NAALADL2: variants seen among roughly 807,000 people sequenced by gnomAD.
The protein encoded by NAALADL2 is N-acetylated alpha-linked acidic dipeptidase like 2.
In NAALADL2, 76 loss-of-function variants were observed where a neutral mutation model predicts 87.2. That is an observed-to-expected ratio of 0.87 (90% confidence interval 0.72 to 1.05). The LOEUF is 1.05. Among genes scored for constraint, NAALADL2 ranks in the 50% least tolerant of loss-of-function variants. NAALADL2 has a pLI of 0.00. For synonymous variants in NAALADL2, 354 were observed against 331.0 expected, an observed-to-expected ratio of 1.07 and a Z score of -0.75; for missense variants, 1,089 against 945.8, an observed-to-expected ratio of 1.15 and a Z score of -1.99.
chr3:174,852,305 A>G (rs912262762), intron 3 of NAALADL2, among the ~76,000 whole-genome samples: 6 of 152,154 alleles, frequency 3.9e-5, no homozygotes, highest in Admixed American at 6.5e-5. Context: ...TTATAGCCTT[A>G]TATTTAGAAA....
At chr3:175,194,984 C>T (rs903866788) in intron 2 of NAALADL2, among the ~76,000 whole-genome samples, 8 of 151,440 alleles carry the variant, frequency 5.3e-5, no homozygotes, top group Non-Finnish European at 7.4e-5. Flanking sequence ...GTATTATTCC[C>T]TTAATTATTG....
chr3:175,211,103 G>T (rs906734140), intron 2 of NAALADL2, among the ~76,000 whole-genome samples: 1 of 151,846 alleles, frequency 6.6e-6, no homozygotes, highest in Non-Finnish European at 1.5e-5. Flanking sequence ...CAAAGGATTA[G>T]AACTTTGAAA....
At chr3:175,268,942 A>ATTT (rs71164626) in intron 4 of NAALADL2, among the ~76,000 whole-genome samples, 5 of 143,064 alleles carry the variant, frequency 3.5e-5, no homozygotes, top group East Asian at 2.1e-4. Flanking sequence ...TAACTATTTA[A>ATTT]TTTTTTTTTT....
intron 4 of NAALADL2, among the ~76,000 whole-genome samples, chr3:175,300,588 G>T (rs1386285707): frequency 6.6e-6 from 1 of 151,706 alleles, no homozygotes; most frequent in Non-Finnish European, 1.5e-5. Context: ...GGTGTTTATT[G>T]TATTCTCTGA....
At chr3:174,564,843 T>A (rs948869784) in intron 2 of NAALADL2, among the ~76,000 whole-genome samples, 1 of 152,076 alleles carries the variant, frequency 6.6e-6, no homozygotes, top group African/African-American at 2.4e-5. Context: ...ATATATCTTT[T>A]TTTTTCCATT....
intron 11 of NAALADL2, among the ~76,000 whole-genome samples, chr3:175,630,470 A>G (rs1247910475): frequency 6.6e-6 from 1 of 151,578 alleles, no homozygotes; most frequent in East Asian, 1.9e-4. Flanking sequence ...ATTACTATTA[A>G]CTCATTAAAA....
At chr3:174,797,649 C>T (rs991503837) in intron 3 of NAALADL2, among the ~76,000 whole-genome samples, 1 of 152,030 alleles carries the variant, frequency 6.6e-6, no homozygotes, top group Non-Finnish European at 1.5e-5. Flanking sequence ...GTTCAGTTTG[C>T]TTAAGATTGC....
intron 2 of NAALADL2, among the ~76,000 whole-genome samples, chr3:174,661,578 C>CT (rs1309538786): frequency 6.6e-6 from 1 of 150,558 alleles, no homozygotes; most frequent in Non-Finnish European, 1.5e-5. Flanking sequence ...GTCTGTCTTC[C>CT]TTTTTTAATG....
In NAALADL2 at chr3:175,742,323, A is replaced by G. The variant is rs1447374017; in HGVS notation, c.1990+4924A>G. Among the ~76,000 whole-genome samples the G allele has an allele frequency of 2.6e-5, 4 of 152,150 alleles. No homozygotes were observed. The East Asian group carries it at 7.7e-4, about 29-fold the overall frequency. On this transcript the variant is annotated intron_variant, in intron 12 of 13. Coordinates refer to ENST00000454872, the MANE Select transcript of NAALADL2 (RefSeq NM_207015.3). ...TTGGCTTAGTGATTTGAAGGTCCCG[A>G]GATTTATTTTCCTTTCACACAAGAG...
At chr3:174,937,544 G>A (rs771671199) in intron 1 of NAALADL2, among the ~76,000 whole-genome samples, 2 of 152,000 alleles carry the variant, frequency 1.3e-5, no homozygotes, top group Admixed American at 6.6e-5. Flanking sequence ...TCTTCATGGA[G>A]CTATTTGTAT....
At chr3:175,643,230 G>A (rs1729533121) in intron 11 of NAALADL2, among the ~76,000 whole-genome samples, 1 of 152,130 alleles carries the variant, frequency 6.6e-6, no homozygotes, top group Admixed American at 6.5e-5. Flanking sequence ...TATGCATTAT[G>A]CATAATGCAT....
chr3:174,753,612 G>T (rs1711559952), intron 3 of NAALADL2, among the ~76,000 whole-genome samples: 1 of 152,160 alleles, frequency 6.6e-6, no homozygotes, highest in Non-Finnish European at 1.5e-5. Flanking sequence ...TGTCCACAGT[G>T]GGGAGGGGAT....
chr3:175,211,606 A>G (rs1452832978), intron 2 of NAALADL2, among the ~76,000 whole-genome samples: 1 of 151,966 alleles, frequency 6.6e-6, no homozygotes, highest in African/African-American at 2.4e-5. Context: ...TCATATTTAT[A>G]TAGTGTCATC....
chr3:175,306,705 G>A (rs566155471), intron 4 of NAALADL2, among the ~76,000 whole-genome samples: 2 of 152,168 alleles, frequency 1.3e-5, no homozygotes, highest in South Asian at 2.1e-4. Context: ...AATTAGCCAG[G>A]CGTGGTGGTG....
At chr3:175,026,482 TAA>T (rs59236659) in intron 1 of NAALADL2, among the ~76,000 whole-genome samples, 24 of 85,452 alleles carry the variant, frequency 2.8e-4, no homozygotes, top group Admixed American at 2.7e-4. Context: ...CCGTCTCTAC[TAA>T]AAAAAAAAAA....
intron 2 of NAALADL2, among the ~76,000 whole-genome samples, chr3:174,607,722 C>A (rs1390352144): frequency 1.3e-5 from 2 of 152,106 alleles, no homozygotes; most frequent in Non-Finnish European, 2.9e-5. Context: ...TAATGGGAGA[C>A]TTTAACACCC....
intron 1 of NAALADL2, among the ~76,000 whole-genome samples, chr3:174,513,231 A>T (rs1447006339): frequency 6.6e-6 from 1 of 152,092 alleles, no homozygotes; most frequent in East Asian, 1.9e-4. Context: ...AAGTGCTGGG[A>T]TTACACTTCC....
At position 175,793,378 on chromosome 3, in the gene NAALADL2, T is replaced by C. The variant is rs1187733402; in HGVS notation, c.2190-9627T>C. On this transcript the variant is annotated intron_variant, in intron 13 of 13. Transcript: ENST00000454872. Reference sequence around the variant, plus strand: ...GGCTGGAGTGTAGTGGGCACGATCTTGGCTCACTGCAAGCTCGGCCACCCG... The same window carrying C: ...GGCTGGAGTGTAGTGGGCACGATCTCGGCTCACTGCAAGCTCGGCCACCCG... 4.0e-5 allele frequency among the ~76,000 whole-genome samples: 6 copies of C among 151,376 alleles called. No individual in the cohort carries two copies. In the South Asian group the frequency reaches 6.3e-4, roughly 16 times the overall value.
chr3:175,184,440 T>C (rs1174419543), intron 2 of NAALADL2, among the ~76,000 whole-genome samples: 1 of 152,146 alleles, frequency 6.6e-6, no homozygotes, highest in Non-Finnish European at 1.5e-5. Context: ...TTGTGACTAT[T>C]TAGTACATTA....
Sources: gnomAD v4.1 joint callset for allele counts (sites outside exome capture counted in the v4.1 genomes callset) on GRCh38, gnomAD v4.1.1 for gene constraint, MANE v1.5 for transcripts, NCBI Gene and HGNC (gene_info 2026-07-23, HGNC 2026-07-21) for gene names.